Variants in NPSR1 observed in about 807,000 individuals in gnomAD.
NPSR1 encodes the protein neuropeptide S receptor.
A neutral mutation model predicts 46.9 loss-of-function variants in NPSR1; 48 were observed. That is an observed-to-expected ratio of 1.02 (90% CI 0.81 to 1.30). The LOEUF (loss-of-function observed/expected upper bound fraction) is 1.30. Among genes scored for constraint, NPSR1 ranks in the 50% most tolerant of loss-of-function variants. The pLI is 0.00. For synonymous variants in NPSR1, 176 were observed against 168.1 expected, an observed-to-expected ratio of 1.05 and a Z score of -0.36; for missense variants, 450 against 449.5, an observed-to-expected ratio of 1.00 and a Z score of -0.01.
At chr7:34,779,700 A>G (rs1467286173) in intron 3 of NPSR1, 1 of 551,912 alleles carries the variant, frequency 1.8e-6, no homozygotes, top group African/African-American at 2.0e-5. Flanking sequence ...TTTTAAAAAC[A>G]TATTTCAATT....
At chr7:34,786,887 T>G (rs1156981049) in intron 3 of NPSR1, among the ~76,000 whole-genome samples, 1 of 152,120 alleles carries the variant, frequency 6.6e-6, no homozygotes, top group Non-Finnish European at 1.5e-5. Flanking sequence ...TAGGCTTTGT[T>G]GTTTTATTTA....
intron 4 of NPSR1, among the ~76,000 whole-genome samples, chr7:34,827,055 T>G (rs1789889785): frequency 6.6e-6 from 1 of 152,130 alleles, no homozygotes. Context: ...AACTCAGCAT[T>G]TGCACCGCAA....
chr7:34,710,832 G>A lies in NPSR1; in HGVS notation c.280+26148G>A, dbSNP rs138931885. 6.0e-4 allele frequency: 308 copies of A among 513,786 alleles called. 1 individual carries two copies. The highest frequency in any genetic ancestry group is 5.5e-3 in the African/African-American group (281 of 50,670). 31.8% of individuals were successfully genotyped at this position (513,786 alleles called of 1,614,324 possible). ...TAAGAAAAAGCAAAGGAATTTCACAGAGCTGAAGATCAAGCACCTGAGAAA... is the reference window on the plus strand; with the variant it reads ...TAAGAAAAAGCAAAGGAATTTCACAAAGCTGAAGATCAAGCACCTGAGAAA... On this transcript the variant is annotated intron_variant, in intron 2 of 8. Coordinates refer to ENST00000360581, the MANE Select transcript of NPSR1 (RefSeq NM_207172.2).
At chr7:34,746,423 T>C (rs186795704) in intron 2 of NPSR1, among the ~76,000 whole-genome samples, 3 of 152,082 alleles carry the variant, frequency 2.0e-5, no homozygotes, top group Non-Finnish European at 4.4e-5. Context: ...CATTTCTTTA[T>C]GTGCCTGATT....
intron 1 of NPSR1, among the ~76,000 whole-genome samples, chr7:34,681,063 G>A (rs1335896020): frequency 2.6e-5 from 4 of 151,722 alleles, no homozygotes; most frequent in Admixed American, 6.6e-5. Context: ...CAGGCAGATC[G>A]TCTGCATAGT....
intron 3 of NPSR1, among the ~76,000 whole-genome samples, chr7:34,797,451 A>T (rs1788225826): frequency 6.6e-6 from 1 of 152,176 alleles, no homozygotes; most frequent in African/African-American, 2.4e-5. Flanking sequence ...GGAAATCTGT[A>T]ACTTCTGCTC....
At chr7:34,788,484 G>C (rs1372356012) in intron 3 of NPSR1, among the ~76,000 whole-genome samples, 3 of 152,052 alleles carry the variant, frequency 2.0e-5, no homozygotes, top group African/African-American at 7.2e-5. Flanking sequence ...TTCCATGCAA[G>C]TGGAAACCAA....
At chr7:34,797,208 G>A (rs1398653108) in intron 3 of NPSR1, among the ~76,000 whole-genome samples, 1 of 152,136 alleles carries the variant, frequency 6.6e-6, no homozygotes, top group South Asian at 2.1e-4. Flanking sequence ...AGAGCACAGA[G>A]GGGGAACAAA....
chr7:34,677,005 T>C (rs1792352893), intron 1 of NPSR1, among the ~76,000 whole-genome samples: 1 of 152,134 alleles, frequency 6.6e-6, no homozygotes, highest in African/African-American at 2.4e-5. Context: ...TCCCAAAGCA[T>C]AGTCCAAGAA....
At chr7:34,793,115 C>A (rs527677658) in intron 3 of NPSR1, among the ~76,000 whole-genome samples, 7 of 151,322 alleles carry the variant, frequency 4.6e-5, no homozygotes, top group Non-Finnish European at 8.8e-5. Flanking sequence ...TTGCTTGAGC[C>A]CAGGAGTTCA....
intron 8 of NPSR1, among the ~76,000 whole-genome samples, chr7:34,877,150 G>A (rs1194582097): frequency 6.6e-6 from 1 of 152,180 alleles, no homozygotes. Flanking sequence ...GAAAGGATCT[G>A]GATCTCAGCA....
At chr7:34,766,069 A>G (rs1476841840) in intron 2 of NPSR1, among the ~76,000 whole-genome samples, 1 of 152,108 alleles carries the variant, frequency 6.6e-6, no homozygotes, top group African/African-American at 2.4e-5. Flanking sequence ...AAAAGAAAAG[A>G]AAAATGAACA....
chr7:34,811,036 A>C (rs1788959681), intron 3 of NPSR1, among the ~76,000 whole-genome samples: 1 of 152,174 alleles, frequency 6.6e-6, no homozygotes, highest in African/African-American at 2.4e-5. Flanking sequence ...CTCCGGCCCC[A>C]CAGTAGTGTC....
chr7:34,813,954 A>G (rs1356508694), intron 4 of NPSR1, among the ~76,000 whole-genome samples: 1 of 152,264 alleles, frequency 6.6e-6, no homozygotes, highest in Non-Finnish European at 1.5e-5. Context: ...AAGATGGCCA[A>G]ATAGGAACAG....
intron 2 of NPSR1, among the ~76,000 whole-genome samples, chr7:34,730,804 G>A (rs1033335085): frequency 3.9e-5 from 6 of 152,018 alleles, no homozygotes; most frequent in African/African-American, 1.5e-4. Flanking sequence ...TTTCTCATTA[G>A]AATGTTAACT....
intron 2 of NPSR1, chr7:34,711,086 C>A: frequency 6.4e-6 from 2 of 312,702 alleles, no homozygotes; most frequent in Non-Finnish European, 1.3e-5. Context: ...GGTGTTGTAG[C>A]TTCTTCGCCT....
chr7:34,772,984 C>A (rs571822826), intron 2 of NPSR1, among the ~76,000 whole-genome samples: 2 of 152,086 alleles, frequency 1.3e-5, no homozygotes, highest in Non-Finnish European at 2.9e-5. Flanking sequence ...TTCAATGGTA[C>A]CTTTGCTATG....
chr7:34,753,508 G>A (rs1331250169), intron 2 of NPSR1: 1 of 152,142 alleles, frequency 6.6e-6, no homozygotes, highest in African/African-American at 2.4e-5. Context: ...AGCTCATAGT[G>A]CGCTATGTGG....
At chr7:34,664,062 C>G (rs1791611603) in intron 1 of NPSR1, among the ~76,000 whole-genome samples, 1 of 152,204 alleles carries the variant, frequency 6.6e-6, no homozygotes. Context: ...GCCATGCACT[C>G]AGGTAGATAA....
Sources: gnomAD v4.1 joint callset for allele counts (sites outside exome capture counted in the v4.1 genomes callset) on GRCh38, gnomAD v4.1.1 for gene constraint, MANE v1.5 for transcripts, NCBI Gene and HGNC (gene_info 2026-07-23, HGNC 2026-07-21) for gene names.